SMIM14: variants seen among roughly 807,000 people sequenced by gnomAD.
The protein encoded by SMIM14 is small integral membrane protein 14.
Under a neutral mutation model 12.6 loss-of-function variants are expected in SMIM14, and 5 were observed. That is an observed-to-expected ratio of 0.40 (90% confidence interval 0.21 to 0.83). The LOEUF (loss-of-function observed/expected upper bound fraction) is 0.83, where lower values mean the gene tolerates loss of function less well. Among genes scored for constraint, SMIM14 ranks in the 40% least tolerant of loss-of-function variants. SMIM14 has a pLI of 0.37. For missense variants in SMIM14, 86 were observed against 119.1 expected (o/e 0.72, Z 1.29); for synonymous variants, 30 against 40.1 (o/e 0.75, Z 0.95).
chr4:39,562,789 G>C (rs1384668726), intron 3 of SMIM14, among the ~76,000 whole-genome samples: 1 of 134,128 alleles, frequency 7.5e-6, no homozygotes. Flanking sequence ...TTACAGGCAT[G>C]AGCGACCCCA....
At chr4:39,581,340 T>G (rs944959038) in intron 2 of SMIM14, among the ~76,000 whole-genome samples, 8 of 152,134 alleles carry the variant, frequency 5.3e-5, no homozygotes, top group Admixed American at 4.6e-4. Context: ...TTTACACAGT[T>G]TGTCTCTTCA....
chr4:39,582,508 T>G (rs1263468746), intron 2 of SMIM14, among the ~76,000 whole-genome samples: 9 of 151,314 alleles, frequency 5.9e-5, no homozygotes, highest in Non-Finnish European at 8.8e-5. Context: ...CTACTAAAAA[T>G]ACGAAATTAG....
At chr4:39,632,191 A>G (rs375908902) in intron 1 of SMIM14, among the ~76,000 whole-genome samples, 1 of 152,208 alleles carries the variant, frequency 6.6e-6, no homozygotes. Flanking sequence ...GATAGCTTCT[A>G]TTAAAAATCT....
At chr4:39,627,767 T>C (rs1715752342) in intron 1 of SMIM14, among the ~76,000 whole-genome samples, 1 of 152,186 alleles carries the variant, frequency 6.6e-6, no homozygotes, top group Non-Finnish European at 1.5e-5. Flanking sequence ...CCTACTAATG[T>C]CCTGTCCTTT....
At chr4:39,616,350 G>A (rs1409334241) in intron 1 of SMIM14, among the ~76,000 whole-genome samples, 2 of 151,398 alleles carry the variant, frequency 1.3e-5, no homozygotes, top group Non-Finnish European at 3.0e-5. Flanking sequence ...TGGCCAGGCT[G>A]GTCTCAAACT....
intron 1 of SMIM14, among the ~76,000 whole-genome samples, chr4:39,627,578 A>T (rs1228950585): frequency 6.6e-6 from 1 of 152,226 alleles, no homozygotes; most frequent in Non-Finnish European, 1.5e-5. Flanking sequence ...GTACTTAATA[A>T]ACTGAAAAAG....
At chr4:39,568,715 A>T (rs1712706764) in intron 3 of SMIM14, among the ~76,000 whole-genome samples, 1 of 152,224 alleles carries the variant, frequency 6.6e-6, no homozygotes, top group East Asian at 1.9e-4. Context: ...AAATATAAAG[A>T]TAGCTACAAA....
At chr4:39,610,316 A>G (rs929984813) in intron 1 of SMIM14, among the ~76,000 whole-genome samples, 4 of 152,206 alleles carry the variant, frequency 2.6e-5, no homozygotes, top group Admixed American at 2.0e-4. Context: ...GAAGTCACAC[A>G]TAAAATTAGT....
At chr4:39,580,719 G>T (rs998507001) in intron 2 of SMIM14, among the ~76,000 whole-genome samples, 4 of 151,616 alleles carry the variant, frequency 2.6e-5, no homozygotes, top group East Asian at 2.0e-4. Context: ...TAGAGACGGG[G>T]TTTCACCATG....
intron 1 of SMIM14, among the ~76,000 whole-genome samples, chr4:39,630,136 C>T (rs1383934331): frequency 6.6e-6 from 1 of 152,206 alleles, no homozygotes; most frequent in Non-Finnish European, 1.5e-5. Flanking sequence ...CGCAGTGGCT[C>T]ACACCTGTAA....
intron 4 of SMIM14, among the ~76,000 whole-genome samples, chr4:39,555,947 C>G (rs1304082286): frequency 1.3e-5 from 2 of 152,042 alleles, no homozygotes; most frequent in Non-Finnish European, 2.9e-5. Context: ...ATTTTTGATG[C>G]TTCTCATGTG....
intron 1 of SMIM14, among the ~76,000 whole-genome samples, chr4:39,623,713 T>C (rs1460223180): frequency 6.6e-6 from 1 of 152,008 alleles, no homozygotes; most frequent in Non-Finnish European, 1.5e-5. Context: ...TACAAAAAAA[T>C]TAGCCGGGTG....
rs978299690 is a variant in SMIM14 at position 39,556,642 on chromosome 4, G to A, written c.125-72C>T. 2.3e-6 allele frequency: 3 copies of A among 1,330,666 alleles called. No homozygotes were observed. In the Admixed American group the frequency reaches 8.5e-5, roughly 38 times the overall value. The allele number at this position is 1,330,666 out of a possible 1,614,324, so 82.4% of individuals were successfully genotyped here. On this transcript the variant is annotated intron_variant, in intron 3 of 4. Coordinates refer to ENST00000295958, the MANE Select transcript of SMIM14 (RefSeq NM_174921.3). ...TAAAAACAAATTCTAATGTTTAAAT[G>A]TCAGTTTCAATTACTGTATTAATAT...
intron 1 of SMIM14, among the ~76,000 whole-genome samples, chr4:39,609,262 A>G (rs765568721): frequency 1.9e-4 from 29 of 152,074 alleles, no homozygotes; most frequent in Non-Finnish European, 4.3e-4. Flanking sequence ...TTAGAGGCAT[A>G]AGCCACCGTG....
chr4:39,571,368 A>T lies in SMIM14; in HGVS notation c.124+1047T>A, dbSNP rs890508004. Among the ~76,000 whole-genome samples, 17 of 152,044 alleles carry T rather than the reference A, an allele frequency of 1.1e-4. 1 individual carries two copies. The highest frequency in any genetic ancestry group is 2.9e-5 in the Non-Finnish European group (2 of 67,998). On this transcript the variant is annotated intron_variant, in intron 3 of 4. Coordinates refer to ENST00000295958, the MANE Select transcript of SMIM14 (RefSeq NM_174921.3). Reference sequence around the variant, plus strand: ...CGAGGCAGAAGGATCACTTGATCCCAGGAGTTTAAGACCCATGTGGGCAAC... The same window carrying T: ...CGAGGCAGAAGGATCACTTGATCCCTGGAGTTTAAGACCCATGTGGGCAAC...
At chr4:39,635,085 A>T (rs1020291000) in intron 1 of SMIM14, among the ~76,000 whole-genome samples, 9 of 152,242 alleles carry the variant, frequency 5.9e-5, no homozygotes, top group Admixed American at 4.6e-4. Context: ...TGAAGAGGCA[A>T]CATCTGACCT....
At chr4:39,621,714 A>G (rs1229923684) in intron 1 of SMIM14, among the ~76,000 whole-genome samples, 3 of 131,014 alleles carry the variant, frequency 2.3e-5, no homozygotes, top group Admixed American at 8.0e-5. Context: ...TTTTTTTGAG[A>G]AAGGCTCTTG....
intron 3 of SMIM14, among the ~76,000 whole-genome samples, chr4:39,564,451 G>A (rs146133281): frequency 1.3e-3 from 205 of 152,122 alleles, no homozygotes; most frequent in African/African-American, 4.7e-3. Context: ...AATGCTTATC[G>A]GAACATTTCA....
rs1376551783 is a variant in SMIM14 at position 39,628,459 on chromosome 4, G to T, written c.-36+10280C>A. Among the ~76,000 whole-genome samples the T allele has an allele frequency of 2.6e-5, 4 of 151,960 alleles. No individual in the cohort carries two copies. The East Asian group carries it at 7.8e-4, about 29-fold the overall frequency. On this transcript the variant is annotated intron_variant, in intron 1 of 4. Coordinates refer to ENST00000295958, the MANE Select transcript of SMIM14 (RefSeq NM_174921.3). ...GGAGGCTGAGACGGGCAGATCACGA[G>T]GTCAGGAAATCAAGACCAGCCGGGC...
Sources: allele counts gnomAD v4.1 joint callset (sites outside exome capture counted in the v4.1 genomes callset), GRCh38; gene constraint gnomAD v4.1.1; transcripts MANE v1.5; gene names NCBI Gene and HGNC (gene_info 2026-07-23, HGNC 2026-07-21).